Variants in FYTTD1 observed in about 807,000 individuals in gnomAD.
FYTTD1 encodes forty-two-three domain containing 1.
A neutral mutation model predicts 40.9 loss-of-function variants in FYTTD1; 22 were observed. That is an observed-to-expected ratio of 0.54 (90% CI 0.38 to 0.77). The LOEUF (loss-of-function observed/expected upper bound fraction) is 0.77. Ranked by LOEUF, FYTTD1 falls within the 30% of genes least tolerant of loss-of-function variation. FYTTD1 has a pLI of 0.00. For synonymous variants in FYTTD1, 140 were observed against 137.9 expected (o/e 1.01, Z -0.10); for missense variants, 351 against 392.2 (o/e 0.90, Z 0.89).
intron 1 of FYTTD1, 138 bp downstream of exon 1, chr3:197,750,212 G>T (rs1278918767): frequency 9.5e-6 from 8 of 840,964 alleles, no homozygotes; most frequent in South Asian, 2.7e-5. Context: ...CCGAGCGGAG[G>T]CCCGGAGGAC....
rs554125108 is a variant in FYTTD1 at position 197,756,956 on chromosome 3, C to T, written c.235+399C>T. Among the ~76,000 whole-genome samples the T allele has an allele frequency of 9.2e-5, 14 of 152,314 alleles. No homozygotes were observed. In the East Asian group the frequency reaches 2.5e-3, roughly 27 times the overall value. ...GAGCATACTACCTCACAAGCATGAG[C>T]CACTGTGCCTGGCCTCTTAATTTGG... On this transcript the variant is annotated intron_variant, in intron 2 of 8. Transcript: ENST00000241502.
chr3:197,780,331 C>T (rs1291447957), intron 8 of FYTTD1, among the ~76,000 whole-genome samples: 1 of 152,084 alleles, frequency 6.6e-6, no homozygotes, highest in Non-Finnish European at 1.5e-5. Flanking sequence ...CTGTGGCTGG[C>T]CAGCTTAGGA....
At position 197,750,687 on chromosome 3, in the gene FYTTD1, CT is replaced by C. The variant is rs1324222356; in HGVS notation, c.103+614del. ...CAGAAAGGAAGCAGCGCTCGGCCGC[CT>C]GTGGGATGTGGTTGTGTATTGAGCG... On this transcript the variant is annotated intron_variant, in intron 1 of 8. Transcript: ENST00000241502. The C allele has an allele frequency of 3.0e-6, 3 of 985,370 alleles. No individual in the cohort carries two copies. In the African/African-American group the frequency reaches 5.2e-5, roughly 17 times the overall value. 61.0% of individuals were successfully genotyped at this position (985,370 alleles called of 1,614,324 possible). A position where few individuals can be genotyped will look rare whatever the true frequency, so the allele number is the denominator to read the frequency against.
intron 1 of FYTTD1, chr3:197,750,381 G>A (rs1014246845): frequency 2.0e-5 from 22 of 1,099,490 alleles, no homozygotes; most frequent in African/African-American, 9.9e-5. Flanking sequence ...TCTTCTCCCC[G>A]GAGGGGCTAC....
intron 1 of FYTTD1, among the ~76,000 whole-genome samples, chr3:197,751,876 T>G (rs1251030400): frequency 6.6e-6 from 1 of 151,962 alleles, no homozygotes; most frequent in Non-Finnish European, 1.5e-5. Flanking sequence ...AATTAATTAA[T>G]TAATTAATTA....
chr3:197,750,044 GA>G lies in FYTTD1; in HGVS notation c.77del (p.Asn26ThrfsTer5). The G allele has an allele frequency of 1.9e-6, 3 of 1,581,598 alleles. No homozygotes were observed. The highest frequency in any genetic ancestry group is 1.7e-6 in the Non-Finnish European group (2 of 1,165,472). The stretch of plus-strand genomic sequence containing the variant: ...GCCGCCGCCGAAGGCCCGCAGCAAT[GA>G]AAACCTCGACAAAATAGATATGTCT... ...SSPPPKARSN[E>X]NLDKIDMSLD... On this transcript the variant is annotated frameshift_variant, in exon 1 of 9. Coordinates refer to ENST00000241502, the MANE Select transcript of FYTTD1 (RefSeq NM_032288.7). LOFTEE classifies it high-confidence loss of function.
intron 8 of FYTTD1, 28 bp downstream of exon 8, chr3:197,778,492 G>C (rs1560501208): frequency 2.0e-6 from 3 of 1,525,006 alleles, no homozygotes; most frequent in Non-Finnish European, 2.7e-6. Context: ...GTATTTTCTT[G>C]GGTCATTTGC....
intron 2 of FYTTD1, among the ~76,000 whole-genome samples, chr3:197,766,773 A>C (rs1729563123): frequency 6.6e-6 from 1 of 152,022 alleles, no homozygotes; most frequent in South Asian, 2.1e-4. Flanking sequence ...GGGCTACAAA[A>C]TAGTATGTAG....
intron 2 of FYTTD1, among the ~76,000 whole-genome samples, chr3:197,763,031 C>A (rs1729436042): frequency 6.6e-6 from 1 of 152,130 alleles, no homozygotes; most frequent in Non-Finnish European, 1.5e-5. Flanking sequence ...AAAATTTGTT[C>A]TTTTTCATTT....
In FYTTD1 at chr3:197,772,311, A is replaced by C. The variant is rs189289610; in HGVS notation, c.498-1092A>C. Among the ~76,000 whole-genome samples, 625 of 152,216 alleles carry C rather than the reference A, an allele frequency of 4.1e-3. 3 individuals carry two copies. Among genetic ancestry groups the C allele is most frequent in the Non-Finnish European group, 5.2e-3 (357 of 68,030 alleles). On this transcript the variant is annotated intron_variant, in intron 4 of 8. Coordinates refer to ENST00000241502, the MANE Select transcript of FYTTD1 (RefSeq NM_032288.7). ...GGTAAGACTAGGGAATCTGTTAAAC[A>C]CTCGTTTATATAGTGTTTCATATTT... is the stretch of plus-strand genomic sequence containing the variant.
rs1730160009 is a variant in FYTTD1, at chr3:197,786,581, T to G, written c.*4672T>G. ...CCTAGTGTGCATATTTAATTTCTAC[T>G]TACTCCATTTCCCTTTAATGAGAAA... On this transcript the variant is annotated 3_prime_UTR_variant, in exon 9 of 9. Transcript: ENST00000241502. 2 of 152,212 alleles carry G rather than the reference T, an allele frequency of 1.3e-5. No individual in the cohort carries two copies. The highest frequency in any genetic ancestry group is 4.8e-5 in the African/African-American group (2 of 41,458). 9.4% of individuals were successfully genotyped at this position (152,212 alleles called of 1,614,324 possible).
At chr3:197,778,933 T>C (rs146741970) in intron 8 of FYTTD1, among the ~76,000 whole-genome samples, 158 of 152,314 alleles carry the variant, frequency 1.0e-3, no homozygotes, top group African/African-American at 3.7e-3. Context: ...TTATAGTAAC[T>C]CTGTATCTAA....
At chr3:197,776,787 A>G in intron 6 of FYTTD1, 140 bp from the exon 7 acceptor site, 3 of 578,574 alleles carry the variant, frequency 5.2e-6, no homozygotes, top group Non-Finnish European at 9.1e-6. Context: ...GATTTATTAT[A>G]TCATGGTGGG....
At chr3:197,755,645 TTTATTTA>T (rs1328876914) in intron 1 of FYTTD1, 27 of 239,988 alleles carry the variant, frequency 1.1e-4, no homozygotes, top group Non-Finnish European at 1.6e-4. Context: ...TATTTATTTA[TTTATTTA>T]TTTATTTGTA....
At chr3:197,777,413 A>G (rs1729907596) in intron 7 of FYTTD1, among the ~76,000 whole-genome samples, 1 of 151,476 alleles carries the variant, frequency 6.6e-6, no homozygotes, top group Non-Finnish European at 1.5e-5. Flanking sequence ...ACAGTTGCCC[A>G]CCACCATGTC....
chr3:197,765,767 C>T (rs1448411765), intron 2 of FYTTD1, among the ~76,000 whole-genome samples: 3 of 151,892 alleles, frequency 2.0e-5, no homozygotes, highest in Admixed American at 6.6e-5. Context: ...GAGGCTGAGG[C>T]GGGCGGATCA....
chr3:197,758,351 T>C (rs1729269712), intron 2 of FYTTD1, among the ~76,000 whole-genome samples: 1 of 152,246 alleles, frequency 6.6e-6, no homozygotes, highest in Admixed American at 6.5e-5. Flanking sequence ...CATGAATATA[T>C]TTCAGTGTTA....
chr3:197,781,637 T>G (rs1730030579), intron 8 of FYTTD1, among the ~76,000 whole-genome samples, 174 bp from the exon 9 acceptor site: 1 of 152,184 alleles, frequency 6.6e-6, no homozygotes, highest in Non-Finnish European at 1.5e-5. Context: ...GTGTTTTATA[T>G]AGTATATAAT....
chr3:197,751,145 G>GT (rs1729024642), intron 1 of FYTTD1, among the ~76,000 whole-genome samples: 1 of 152,090 alleles, frequency 6.6e-6, no homozygotes, highest in African/African-American at 2.4e-5. Context: ...CCTTCTTTCG[G>GT]TTTTCATTTC....
Sources: gnomAD v4.1 joint callset for allele counts (sites outside exome capture counted in the v4.1 genomes callset) on GRCh38, gnomAD v4.1.1 for gene constraint, MANE v1.5 for transcripts, NCBI Gene and HGNC (gene_info 2026-07-23, HGNC 2026-07-21) for gene names.